ZNF197: variants seen among roughly 807,000 people sequenced by gnomAD.
The protein encoded by ZNF197 is zinc finger protein 197.
In ZNF197, 14 loss-of-function variants were observed where a neutral mutation model predicts 27.4. That is an observed-to-expected ratio of 0.51 (90% CI 0.34 to 0.80). ZNF197 has a LOEUF of 0.80. ZNF197 is among the 30% of genes least tolerant of loss of function. The pLI is 0.02. For missense variants in ZNF197, 1,090 were observed against 1,222.6 expected, an observed-to-expected ratio of 0.89 and a Z score of 1.62; for synonymous variants, 415 against 420.0, an observed-to-expected ratio of 0.99 and a Z score of 0.15.
In ZNF197 at chr3:44,642,450, C is replaced by T. The variant is rs367642791; in HGVS notation, c.1320C>T (p.Tyr440=). 1 of 1,613,630 alleles carries T rather than the reference C, an allele frequency of 6.2e-7. No individual in the cohort carries two copies. The change falls in exon 6 of 6, where the codon TAC becomes TAT. Residue 440 remains tyrosine (Y), a synonymous_variant. Coordinates refer to ENST00000344387, the MANE Select transcript of ZNF197 (RefSeq NM_006991.5). ...GGAAAGCATTTTCTCAAAGTGCTTA[C>T]CTTCTAAACCATCAGAGGATCCACA... ...ECGKAFSQSA[Y]LLNHQRIHTG...
At chr3:44,627,413 C>A (rs1701732251) in intron 1 of ZNF197, among the ~76,000 whole-genome samples, 1 of 152,174 alleles carries the variant, frequency 6.6e-6, no homozygotes, top group African/African-American at 2.4e-5. Flanking sequence ...TACTTTCCTT[C>A]TCTGGTCTTC....
At position 44,630,809 on chromosome 3, in the gene ZNF197, C is replaced by G. The variant is rs80271380; in HGVS notation, c.391-253C>G. ...CTTCCCATTCCCTCCTTAACCCACACCCAGGTCTGGCTTCTGTTCCCACCG... is the reference window on the plus strand; with the variant it reads ...CTTCCCATTCCCTCCTTAACCCACAGCCAGGTCTGGCTTCTGTTCCCACCG... On this transcript the variant is annotated intron_variant, in intron 2 of 5. Coordinates refer to ENST00000344387, the MANE Select transcript of ZNF197 (RefSeq NM_006991.5). The G allele has an allele frequency of 2.8e-3, 1,780 of 638,888 alleles. 6 individuals carry two copies. The highest frequency in any genetic ancestry group is 4.1e-3 in the Non-Finnish European group (1,409 of 345,364). 39.6% of individuals were successfully genotyped at this position (638,888 alleles called of 1,614,324 possible).
chr3:44,630,973 A>T (rs1408601230), intron 2 of ZNF197, 89 bp from the exon 3 acceptor site: 7 of 1,553,388 alleles, frequency 4.5e-6, no homozygotes, highest in Non-Finnish European at 5.3e-6. Context: ...TCACAGTTGT[A>T]GATTGTGGGC....
chr3:44,625,996 T>G (rs1701641344), intron 1 of ZNF197, among the ~76,000 whole-genome samples: 1 of 152,240 alleles, frequency 6.6e-6, no homozygotes, highest in Non-Finnish European at 1.5e-5. Context: ...ATGTCTCAGT[T>G]AGCTAAGTGG....
chr3:44,627,167 A>C (rs1486376049), intron 1 of ZNF197, among the ~76,000 whole-genome samples: 1 of 152,256 alleles, frequency 6.6e-6, no homozygotes, highest in Non-Finnish European at 1.5e-5. Flanking sequence ...CGGAGAAGGA[A>C]ACTTTACACA....
In ZNF197 at chr3:44,646,039, T is replaced by G. The variant is rs1702936289; in HGVS notation, c.*1819T>G. 1.0e-6 allele frequency: 1 copy of G among 985,256 alleles called. No individual in the cohort carries two copies. The allele number at this position is 985,256 out of a possible 1,614,324, so 61.0% of individuals were successfully genotyped here. On this transcript the variant is annotated 3_prime_UTR_variant, in exon 6 of 6. Coordinates refer to ENST00000344387, the MANE Select transcript of ZNF197 (RefSeq NM_006991.5). Reference sequence around the variant, plus strand: ...GTTGATTATCATAAATGTTATTAATTCAACCCCACAGTTTCTTGGGGGCTG... The same window carrying G: ...GTTGATTATCATAAATGTTATTAATGCAACCCCACAGTTTCTTGGGGGCTG...
At chr3:44,632,325 C>A (rs1208313459) in intron 4 of ZNF197, 129 bp downstream of exon 4, 1 of 1,490,720 alleles carries the variant, frequency 6.7e-7, no homozygotes, top group Non-Finnish European at 9.2e-7. Flanking sequence ...TATTGGAAGA[C>A]AGACTTTACA....
At chr3:44,627,802 G>A (rs145173677) in intron 1 of ZNF197, among the ~76,000 whole-genome samples, 2 of 146,478 alleles carry the variant, frequency 1.4e-5, no homozygotes, top group African/African-American at 5.1e-5. Context: ...CTGCACTCCA[G>A]CCTGGGTGAC....
chr3:44,631,449 G>A (rs1701990873), intron 3 of ZNF197, among the ~76,000 whole-genome samples: 1 of 151,776 alleles, frequency 6.6e-6, no homozygotes, highest in East Asian at 1.9e-4. Flanking sequence ...CGCCCAGGCT[G>A]GAGTGCAGTG....
chr3:44,629,304 C>T lies in ZNF197; in HGVS notation c.150C>T (p.Tyr50=). ...TSHLHFRQLR[Y]HETSGPQEAL... ...ACCTACACTTTAGACAATTACGTTA[C>T]CATGAGACATCTGGACCCCAGGAAG... Residue 50 remains tyrosine (Y), a synonymous_variant, in exon 2 of 6, where the codon TAC becomes TAT. Transcript: ENST00000344387. 6.2e-7 allele frequency: 1 copy of T among 1,614,178 alleles called. No individual in the cohort carries two copies.
Position 44,629,099 on chromosome 3 carries a change from G to T in ZNF197, c.-56G>T. ...ATGATACTCTCCAAGCTGTAAGGAA[G>T]AAGTCAAGGATTAAGGAGACCTGGA... is the stretch of plus-strand genomic sequence containing the variant. On this transcript the variant is annotated 5_prime_UTR_variant, in exon 2 of 6. Coordinates refer to ENST00000344387, the MANE Select transcript of ZNF197 (RefSeq NM_006991.5). 1 of 1,537,128 alleles carries T rather than the reference G, an allele frequency of 6.5e-7. No individual in the cohort carries two copies.
intron 5 of ZNF197, 45 bp downstream of exon 5, chr3:44,632,644 C>G: frequency 1.4e-6 from 2 of 1,409,214 alleles, no homozygotes; most frequent in Non-Finnish European, 1.9e-6. Context: ...TTTCACCAGC[C>G]TTTATTTGTT....
Position 44,643,998 on chromosome 3 carries a change from A to T in ZNF197, c.2868A>T (p.Lys956Asn). 1 of 1,614,132 alleles carries T rather than the reference A, an allele frequency of 6.2e-7. No individual in the cohort carries two copies. Among genetic ancestry groups the T allele is most frequent in the African/African-American group, 1.3e-5 (1 of 75,030 alleles). ...ACCAGAGAATTCACACAGGGGAGAA[A>T]CCCTATGGGTGTAATGATTGTAGTA... ...VGHQRIHTGEKPYGCNDCSKV... is the reference protein window; with the variant it reads ...VGHQRIHTGENPYGCNDCSKV... The change falls in exon 6 of 6, where the codon AAA becomes AAT. Residue 956 changes from lysine to asparagine, a missense_variant. Transcript: ENST00000344387.
rs1304769172 is a variant in ZNF197 at position 44,643,843 on chromosome 3, A to C, written c.2713A>C (p.Asn905His). Reference protein sequence around the residue: ...IHTGEKPYKCNECGKDFSQNK... With the variant: ...IHTGEKPYKCHECGKDFSQNK... ...TACTGGAGAGAAACCTTATAAATGT[A>C]ATGAGTGTGGAAAAGACTTTAGTCA... Residue 905 changes from asparagine to histidine, a missense_variant, in exon 6 of 6, where the codon AAT (asparagine) becomes CAT (histidine). Asn to His is a moderately conservative substitution (Grantham distance 68, BLOSUM62 1). Coordinates refer to ENST00000344387, the MANE Select transcript of ZNF197 (RefSeq NM_006991.5). 7 of 1,613,646 alleles carry C rather than the reference A, an allele frequency of 4.3e-6. No individual in the cohort carries two copies. In the East Asian group the frequency reaches 1.6e-4, roughly 36 times the overall value.
At position 44,647,925 on chromosome 3, in the gene ZNF197, C is replaced by T. The variant is rs578201398; in HGVS notation, c.*3705C>T. The T allele has an allele frequency of 6.6e-6, 1 of 152,232 alleles. No individual in the cohort carries two copies. Among genetic ancestry groups the T allele is most frequent in the South Asian group, 2.1e-4 (1 of 4,822 alleles). The allele number at this position is 152,232 out of a possible 1,614,324, so 9.4% of individuals were successfully genotyped here. A position where few individuals can be genotyped will look rare whatever the true frequency, so the allele number is the denominator to read the frequency against. On this transcript the variant is annotated 3_prime_UTR_variant, in exon 6 of 6. Transcript: ENST00000344387. Reference sequence around the variant, plus strand: ...TTACACAAATCTATAGGTGCTATACCTATACACACATACTGTACCAATGTT... The same window carrying T: ...TTACACAAATCTATAGGTGCTATACTTATACACACATACTGTACCAATGTT...
chr3:44,629,629 T>G lies in ZNF197; in HGVS notation c.390+85T>G, dbSNP rs895171785. 2.1e-6 allele frequency: 3 copies of G among 1,447,246 alleles called. No homozygotes were observed. The African/African-American group carries it at 4.3e-5, about 21-fold the overall frequency. 89.7% of individuals were successfully genotyped at this position (1,447,246 alleles called of 1,614,324 possible). A position where few individuals can be genotyped will look rare whatever the true frequency, so the allele number is the denominator to read the frequency against. ...TAGGCTAGAGGGTGATCCTGTGATT[T>G]TCATTAAAAATTAATAGCATTAATA... On this transcript the variant is annotated intron_variant, in intron 2 of 5. Coordinates refer to ENST00000344387, the MANE Select transcript of ZNF197 (RefSeq NM_006991.5).
Position 44,631,158 on chromosome 3 carries a change from G to A in ZNF197, c.487G>A (p.Ala163Thr). ...PPVLPGSHIAAEICPHPPTDL... is the reference protein window; with the variant it reads ...PPVLPGSHIATEICPHPPTDL... Reference sequence around the variant, plus strand: ...TGTACTTCCTGGCAGCCACATAGCAGCTGAAATTTGCCCGCATCCTCCTAC... The same window carrying A: ...TGTACTTCCTGGCAGCCACATAGCAACTGAAATTTGCCCGCATCCTCCTAC... Residue 163 changes from alanine (A) to threonine (T), a missense_variant, in exon 3 of 6, where the codon GCT (alanine) becomes ACT (threonine). Coordinates refer to ENST00000344387, the MANE Select transcript of ZNF197 (RefSeq NM_006991.5). The A allele has an allele frequency of 6.2e-7, 1 of 1,614,172 alleles. No individual in the cohort carries two copies. Among genetic ancestry groups the A allele is most frequent in the Non-Finnish European group, 8.5e-7 (1 of 1,180,042 alleles).
chr3:44,638,239 C>T (rs1298124258), intron 5 of ZNF197, among the ~76,000 whole-genome samples: 1 of 150,346 alleles, frequency 6.7e-6, no homozygotes, highest in African/African-American at 2.4e-5. Context: ...TATTAATTTT[C>T]TTTGTGGATT....
chr3:44,646,105 G>T lies in ZNF197; in HGVS notation c.*1885G>T, dbSNP rs563266392. ...GAAAGGTAGCCAAGAGTGAAAACTG[G>T]AAGGGGCCTAAGGCTTAAAGTCTTA... is the stretch of plus-strand genomic sequence containing the variant. On this transcript the variant is annotated 3_prime_UTR_variant, in exon 6 of 6. Transcript: ENST00000344387. The T allele has an allele frequency of 1.7e-5, 17 of 985,382 alleles. No individual in the cohort carries two copies. Among genetic ancestry groups the T allele is most frequent in the Non-Finnish European group, 2.0e-5 (17 of 829,926 alleles). 61.0% of individuals were successfully genotyped at this position (985,382 alleles called of 1,614,324 possible). A position where few individuals can be genotyped will look rare whatever the true frequency, so the allele number is the denominator to read the frequency against.
Sources: gnomAD v4.1 joint callset for allele counts (sites outside exome capture counted in the v4.1 genomes callset) on GRCh38, gnomAD v4.1.1 for gene constraint, MANE v1.5 for transcripts, NCBI Gene and HGNC (gene_info 2026-07-23, HGNC 2026-07-21) for gene names.